SPIRE1: variants seen among roughly 807,000 people sequenced by gnomAD.
SPIRE1 encodes spire type actin nucleation factor 1, also known as protein spire homolog 1.
Under a neutral mutation model 94.1 loss-of-function variants are expected in SPIRE1, and 40 were observed. The observed-to-expected ratio is 0.43, with a 90% confidence interval of 0.33 to 0.55. SPIRE1 has a LOEUF of 0.55. Among genes scored for constraint, SPIRE1 ranks in the 20% least tolerant of loss-of-function variants. The probability of loss-of-function intolerance (pLI) is 0.06; values close to 1 mark genes in which losing one functional copy is unlikely to be tolerated. For synonymous variants in SPIRE1, 376 were observed against 371.7 expected (o/e 1.01, Z -0.13); for missense variants, 838 against 975.2 (o/e 0.86, Z 1.87).
At chr18:12,622,795 T>C (rs2037513483) in intron 2 of SPIRE1, among the ~76,000 whole-genome samples, 1 of 152,112 alleles carries the variant, frequency 6.6e-6, no homozygotes, top group Non-Finnish European at 1.5e-5. Flanking sequence ...TTTCTTTAAC[T>C]CTCCCTCCTT....
intron 2 of SPIRE1, among the ~76,000 whole-genome samples, chr18:12,614,818 TAGAAAAAA>T (rs985109338): frequency 5.9e-5 from 9 of 151,770 alleles, no homozygotes; most frequent in East Asian, 3.9e-4. Context: ...GACTCTGTCT[TAGAAAAAA>T]AGAAAAAAAG....
chr18:12,500,779 A>G (rs2033627313), intron 6 of SPIRE1, among the ~76,000 whole-genome samples: 1 of 152,196 alleles, frequency 6.6e-6, no homozygotes. Flanking sequence ...CATAAGAAGA[A>G]GTAAAGTAGC....
At chr18:12,466,672 C>A (rs1000085653) in intron 10 of SPIRE1, among the ~76,000 whole-genome samples, 3 of 152,056 alleles carry the variant, frequency 2.0e-5, no homozygotes, top group African/African-American at 7.2e-5. Flanking sequence ...ATGTTCTTAG[C>A]TAAAATGACT....
rs2144924258 is a variant in SPIRE1, at chr18:12,657,825, C to T, written c.42G>A (p.Arg14=). The change falls in exon 1 of 17, where the codon CGG becomes CGA. Residue 14 remains arginine, a synonymous_variant. Transcript: ENST00000409402. ...GCCCCTCGCCGCCCACTGCCTCAGT[C>T]CGCGGCTCCCCGCCGCCCGCCGGGC... The part of the protein sequence containing the change: ...AAGPAGGGEP[R]TEAVGGEGPR... The T allele has an allele frequency of 8.6e-7, 1 of 1,166,368 alleles. No homozygotes were observed. The highest frequency in any genetic ancestry group is 1.6e-5 in the African/African-American group (1 of 61,404). The allele number at this position is 1,166,368 out of a possible 1,614,324, so 72.3% of individuals were successfully genotyped here.
intron 1 of SPIRE1, among the ~76,000 whole-genome samples, chr18:12,651,536 T>C (rs1005758436): frequency 1.3e-5 from 2 of 151,960 alleles, no homozygotes; most frequent in African/African-American, 2.4e-5. Flanking sequence ...TAGCCGAGCA[T>C]GGTGGCGGGC....
chr18:12,641,752 G>A (rs561944270), intron 1 of SPIRE1, among the ~76,000 whole-genome samples: 28 of 151,456 alleles, frequency 1.8e-4, no homozygotes, highest in African/African-American at 5.3e-4. Context: ...GTGAAACTAC[G>A]TATTTATTAG....
intron 2 of SPIRE1, among the ~76,000 whole-genome samples, chr18:12,629,706 T>C (rs539427726): frequency 6.6e-6 from 1 of 152,264 alleles, no homozygotes; most frequent in East Asian, 1.9e-4. Flanking sequence ...AACAACAAAA[T>C]ATCCTTGTCA....
At chr18:12,478,238 G>C (rs1010400629) in intron 10 of SPIRE1, among the ~76,000 whole-genome samples, 1 of 151,892 alleles carries the variant, frequency 6.6e-6, no homozygotes. Context: ...GAAGCTAGGG[G>C]GTATGTGTGC....
intron 8 of SPIRE1, among the ~76,000 whole-genome samples, chr18:12,486,334 G>A (rs964222359): frequency 6.6e-6 from 1 of 152,020 alleles, no homozygotes; most frequent in East Asian, 1.9e-4. Context: ...TTTTAAAAAA[G>A]CCATGTTTTA....
At chr18:12,509,902 T>C (rs1426409862) in intron 5 of SPIRE1, among the ~76,000 whole-genome samples, 4 of 152,104 alleles carry the variant, frequency 2.6e-5, no homozygotes, top group Non-Finnish European at 5.9e-5. Context: ...CTGACCAACA[T>C]GGTGAAACCC....
chr18:12,547,710 G>T (rs1350370716), intron 2 of SPIRE1, among the ~76,000 whole-genome samples: 4 of 152,218 alleles, frequency 2.6e-5, no homozygotes, highest in Non-Finnish European at 5.9e-5. Flanking sequence ...GGGAGGCTGA[G>T]GCGAGCAGAT....
intron 4 of SPIRE1, among the ~76,000 whole-genome samples, chr18:12,530,374 T>G (rs1048666822): frequency 6.6e-6 from 1 of 152,172 alleles, no homozygotes; most frequent in African/African-American, 2.4e-5. Flanking sequence ...TCCCCGATTT[T>G]TATGTTTTTA....
intron 2 of SPIRE1, among the ~76,000 whole-genome samples, chr18:12,574,854 C>A (rs1181895090): frequency 6.6e-6 from 1 of 152,086 alleles, no homozygotes; most frequent in Non-Finnish European, 1.5e-5. Context: ...ATCACAAAAA[C>A]CAAAGAAAGA....
At chr18:12,501,476 C>T (rs1326909365) in intron 6 of SPIRE1, among the ~76,000 whole-genome samples, 3 of 152,182 alleles carry the variant, frequency 2.0e-5, no homozygotes, top group Non-Finnish European at 2.9e-5. Flanking sequence ...CTGCGCCTCC[C>T]GAGTTCAAGC....
chr18:12,504,114 T>C (rs988322035), intron 6 of SPIRE1, among the ~76,000 whole-genome samples: 5 of 146,974 alleles, frequency 3.4e-5, no homozygotes, highest in Admixed American at 2.7e-4. Context: ...GTAAATCAGA[T>C]TTGATGAAAA....
At chr18:12,577,094 G>A (rs2036125989) in intron 2 of SPIRE1, among the ~76,000 whole-genome samples, 1 of 151,930 alleles carries the variant, frequency 6.6e-6, no homozygotes, top group Non-Finnish European at 1.5e-5. Flanking sequence ...GTATCTATCT[G>A]AAAAAAGAAT....
chr18:12,608,016 G>A (rs538746271), intron 2 of SPIRE1, among the ~76,000 whole-genome samples: 18 of 152,168 alleles, frequency 1.2e-4, no homozygotes, highest in South Asian at 2.1e-4. Flanking sequence ...AAATTAGCCA[G>A]GCATCATGGC....
chr18:12,452,423 GT>G (rs754002404), intron 15 of SPIRE1, 32 bp from the exon 16 acceptor site: 1 of 1,614,112 alleles, frequency 6.2e-7, no homozygotes, highest in South Asian at 1.1e-5. Context: ...GCAATGAGCA[GT>G]ACCGTTAAAG....
In SPIRE1 at chr18:12,452,346, A is replaced by G. The variant is rs745856037; in HGVS notation, c.1921T>C (p.Leu641=). 16 of 1,613,962 alleles carry G rather than the reference A, an allele frequency of 9.9e-6. No homozygotes were observed. In the East Asian group the frequency reaches 2.7e-4, roughly 27 times the overall value. ...KPYSTLPIFS[L]GPSALQRGES... is the part of the protein sequence containing the mutation. ...CCTCTTTGCAGAGCAGAAGGTCCCAATGAAAAGATAGGAAGAGTGGAGTAT... is the reference window on the plus strand; with the variant it reads ...CCTCTTTGCAGAGCAGAAGGTCCCAGTGAAAAGATAGGAAGAGTGGAGTAT... Residue 641 remains leucine (L), a synonymous_variant, in exon 16 of 17, where the codon TTG becomes CTG. Transcript: ENST00000409402.
Sources: allele counts gnomAD v4.1 joint callset (sites outside exome capture counted in the v4.1 genomes callset), GRCh38; gene constraint gnomAD v4.1.1; transcripts MANE v1.5; gene names NCBI Gene and HGNC (gene_info 2026-07-23, HGNC 2026-07-21).